The following THSD7B variants were observed in gnomAD, a reference collection of about 807,000 sequenced individuals.
The protein encoded by THSD7B is thrombospondin type 1 domain containing 7B, also known as thrombospondin type-1 domain-containing protein 7B.
A neutral mutation model predicts 213.6 loss-of-function variants in THSD7B; 138 were observed. The ratio of observed to expected loss-of-function variants is 0.65; its 90% CI spans 0.56 to 0.74. The LOEUF is 0.74. Among genes scored for constraint, THSD7B ranks in the 30% least tolerant of loss-of-function variants. The pLI is 0.00. For synonymous variants in THSD7B, 742 were observed against 687.0 expected (o/e 1.08, Z -1.25); for missense variants, 1,931 against 1,991.5 (o/e 0.97, Z 0.58).
intron 24 of THSD7B, among the ~76,000 whole-genome samples, chr2:137,658,080 G>A (rs564887210): frequency 3.1e-4 from 47 of 152,244 alleles, no homozygotes; most frequent in East Asian, 5.8e-4. Flanking sequence ...TAGTACTATC[G>A]TTTACAGAGA....
At chr2:137,167,557 G>A (rs547801050) in intron 6 of THSD7B, among the ~76,000 whole-genome samples, 53 of 152,070 alleles carry the variant, frequency 3.5e-4, no homozygotes, top group African/African-American at 1.1e-3. Context: ...TATACCCTCC[G>A]GAGCCTCTTT....
At chr2:137,616,750 C>T (rs534152721) in intron 18 of THSD7B, among the ~76,000 whole-genome samples, 1 of 152,250 alleles carries the variant, frequency 6.6e-6, no homozygotes, top group South Asian at 2.1e-4. Context: ...AGAATGAATG[C>T]TACTACTGAC....
rs755180821 is a variant in THSD7B at position 137,170,972 on chromosome 2, T to C, written c.1723+34T>C. On this transcript the variant is annotated intron_variant, in intron 7 of 27. Coordinates refer to ENST00000409968, the MANE Select transcript of THSD7B (RefSeq NM_001316349.2). The stretch of plus-strand genomic sequence containing the variant: ...CAGTGACCCACTAGAGGTGTTAGGA[T>C]GTTAAGTATCAGCCAAATAACACAT... 1.2e-5 allele frequency: 20 copies of C among 1,606,172 alleles called. No individual in the cohort carries two copies. In the Admixed American group the frequency reaches 2.9e-4, roughly 23 times the overall value.
chr2:137,112,772 CGTGTGT>C (rs112879754), intron 4 of THSD7B, among the ~76,000 whole-genome samples: 2 of 149,822 alleles, frequency 1.3e-5, no homozygotes, highest in African/African-American at 2.5e-5. Flanking sequence ...TGTTAATGTA[CGTGTGT>C]GTGTGTGTGT....
At chr2:137,187,396 A>G (rs770057274) in intron 7 of THSD7B, among the ~76,000 whole-genome samples, 4 of 152,218 alleles carry the variant, frequency 2.6e-5, no homozygotes, top group Non-Finnish European at 5.9e-5. Context: ...AGTTTTTTAC[A>G]AAGCTCAAGA....
In THSD7B at chr2:137,056,716, A is replaced by C; in HGVS notation, c.436A>C (p.Ile146Leu). Residue 146 changes from isoleucine (I) to leucine (L), a missense_variant, in exon 3 of 28, where the codon ATT becomes CTT. Physicochemically the swap from Ile to Leu is conservative, Grantham distance 5. Transcript: ENST00000409968. Reference sequence around the variant, plus strand: ...ACTGCAGCACCGGATGGTGCGCTGCATTCAGAAGCTGAACCGAACTGTGGT... The same window carrying C: ...ACTGCAGCACCGGATGGTGCGCTGCCTTCAGAAGCTGAACCGAACTGTGGT... ...HGLQHRMVRC[I>L]QKLNRTVVAN... 6.2e-7 allele frequency: 1 copy of C among 1,614,002 alleles called. No individual in the cohort carries two copies. Among genetic ancestry groups the C allele is most frequent in the South Asian group, 1.1e-5 (1 of 91,084 alleles).
At chr2:137,275,763 A>T (rs1282860086) in intron 11 of THSD7B, among the ~76,000 whole-genome samples, 160 bp from the exon 12 acceptor site, 1 of 152,128 alleles carries the variant, frequency 6.6e-6, no homozygotes, top group Non-Finnish European at 1.5e-5. Context: ...GACTATTGTC[A>T]TTCTAGTGCT....
At chr2:137,360,220 G>T (rs570253169) in intron 12 of THSD7B, among the ~76,000 whole-genome samples, 1 of 152,284 alleles carries the variant, frequency 6.6e-6, no homozygotes, top group Non-Finnish European at 1.5e-5. Flanking sequence ...TGAGGAAGAG[G>T]TTTAGAATTT....
At chr2:136,915,651 A>G (rs1573708249) in intron 2 of THSD7B, among the ~76,000 whole-genome samples, 1 of 152,182 alleles carries the variant, frequency 6.6e-6, no homozygotes, top group Admixed American at 6.5e-5. Context: ...TGCTGTTAGC[A>G]TTTCCATTTT....
chr2:137,072,082 C>A (rs541648580), intron 3 of THSD7B, among the ~76,000 whole-genome samples: 6 of 152,222 alleles, frequency 3.9e-5, no homozygotes, highest in African/African-American at 1.2e-4. Flanking sequence ...ATTGACTTGG[C>A]GATGCAGGCT....
chr2:136,800,531 A>G (rs543663081), intron 1 of THSD7B, among the ~76,000 whole-genome samples: 1 of 152,184 alleles, frequency 6.6e-6, no homozygotes, highest in South Asian at 2.1e-4. Flanking sequence ...CGGGCAACCA[A>G]TAGAGAATGG....
At chr2:136,778,727 C>T (rs1681660022) in intron 1 of THSD7B, among the ~76,000 whole-genome samples, 1 of 152,062 alleles carries the variant, frequency 6.6e-6, no homozygotes, top group Admixed American at 6.6e-5. Flanking sequence ...TGGTCAGAAA[C>T]CGTCACCTTA....
chr2:137,616,346 C>T (rs1682386649), intron 18 of THSD7B, 30 bp downstream of exon 18: 1 of 1,598,596 alleles, frequency 6.3e-7, no homozygotes, highest in African/African-American at 1.3e-5. Flanking sequence ...CCTTGTCGTT[C>T]TCCCTGAACA....
At chr2:137,606,316 G>A (rs932917713) in intron 17 of THSD7B, among the ~76,000 whole-genome samples, 10 of 152,216 alleles carry the variant, frequency 6.6e-5, no homozygotes, top group African/African-American at 1.9e-4. Context: ...GAAGTCCCAT[G>A]TGGGGGCCTC....
chr2:137,312,066 G>T (rs987033736), intron 12 of THSD7B, among the ~76,000 whole-genome samples: 2 of 150,836 alleles, frequency 1.3e-5, no homozygotes, highest in African/African-American at 2.4e-5. Flanking sequence ...GATTGGAATA[G>T]TTTCAGAAGG....
chr2:137,134,474 G>A (rs1208148866), intron 5 of THSD7B, among the ~76,000 whole-genome samples: 1 of 152,170 alleles, frequency 6.6e-6, no homozygotes, highest in Non-Finnish European at 1.5e-5. Context: ...TGGCCCAAGT[G>A]TCAGCTGGAG....
At chr2:137,508,639 T>G (rs1280792348) in intron 15 of THSD7B, among the ~76,000 whole-genome samples, 3 of 151,228 alleles carry the variant, frequency 2.0e-5, no homozygotes, top group Non-Finnish European at 4.4e-5. Flanking sequence ...TCTGCCCGCC[T>G]CGGCCTTCCA....
At chr2:136,896,425 C>T (rs568363) in intron 2 of THSD7B, among the ~76,000 whole-genome samples, 145,719 of 152,242 alleles carry the variant, frequency 0.96, 69,829 homozygotes, top group Admixed American at 0.98. Context: ...TTTCAAGAGT[C>T]CTTTGTACAT....
chr2:137,563,121 G>A, intron 15 of THSD7B, 100 bp from the exon 16 acceptor site: 2 of 1,333,920 alleles, frequency 1.5e-6, no homozygotes, highest in Non-Finnish European at 2.0e-6. Context: ...CCAGAGTGCA[G>A]TTTCTTGGGT....
Sources: gnomAD v4.1 joint callset for allele counts (sites outside exome capture counted in the v4.1 genomes callset) on GRCh38, gnomAD v4.1.1 for gene constraint, MANE v1.5 for transcripts, NCBI Gene and HGNC (gene_info 2026-07-23, HGNC 2026-07-21) for gene names.